The following SRP9 variants were observed in gnomAD, a reference collection of about 807,000 sequenced individuals.
SRP9 encodes signal recognition particle 9 kDa protein.
A neutral mutation model predicts 11.7 loss-of-function variants in SRP9; 2 were observed. The observed-to-expected ratio is 0.17, with a 90% confidence interval of 0.07 to 0.54. The LOEUF (loss-of-function observed/expected upper bound fraction) is 0.54. Ranked by LOEUF, SRP9 falls within the 20% of genes least tolerant of loss-of-function variation. The probability of loss-of-function intolerance (pLI) is 0.94; values close to 1 mark genes in which losing one functional copy is unlikely to be tolerated. For synonymous variants in SRP9, 27 were observed against 35.6 expected, an observed-to-expected ratio of 0.76 and a Z score of 0.86; for missense variants, 54 against 108.1, an observed-to-expected ratio of 0.50 and a Z score of 2.22.
intron 2 of SRP9, among the ~76,000 whole-genome samples, chr1:225,787,550 G>A (rs1665943440): frequency 6.6e-6 from 1 of 151,996 alleles, no homozygotes; most frequent in Non-Finnish European, 1.5e-5. Context: ...AATAAAATAA[G>A]GGAATAAATG....
chr1:225,787,819 T>C (rs748091852), intron 2 of SRP9, among the ~76,000 whole-genome samples: 20 of 152,242 alleles, frequency 1.3e-4, no homozygotes, highest in Admixed American at 3.3e-4. Flanking sequence ...TGAAGATTAA[T>C]ATGGCCTTTT....
intron 2 of SRP9, among the ~76,000 whole-genome samples, chr1:225,784,065 A>G (rs969564105): frequency 1.3e-5 from 2 of 150,982 alleles, no homozygotes; most frequent in South Asian, 2.1e-4. Context: ...TTGTCTTTTC[A>G]TAACAGCTTC....
chr1:225,788,984 A>G, intron 2 of SRP9: 1 of 1,545,646 alleles, frequency 6.5e-7, no homozygotes, highest in African/African-American at 1.4e-5. Flanking sequence ...TTTAACATTT[A>G]ACATTTTTCA....
In SRP9 at chr1:225,789,466, G is replaced by A; in HGVS notation, c.*107G>A. On this transcript the variant is annotated 3_prime_UTR_variant, in exon 3 of 3. Transcript: ENST00000304786. Reference sequence around the variant, plus strand: ...TTTATGTAACTAAGTGGGCTGTTCAGAAGCTTAGAGGTCATTTTTTGTAAT... The same window carrying A: ...TTTATGTAACTAAGTGGGCTGTTCAAAAGCTTAGAGGTCATTTTTTGTAAT... 3.0e-6 allele frequency: 4 copies of A among 1,335,614 alleles called. No homozygotes were observed. In the South Asian group the frequency reaches 6.1e-5, roughly 20 times the overall value. 82.7% of individuals were successfully genotyped at this position (1,335,614 alleles called of 1,614,324 possible). A position where few individuals can be genotyped will look rare whatever the true frequency, so the allele number is the denominator to read the frequency against.
chr1:225,780,939 A>G (rs1665781953), intron 1 of SRP9, among the ~76,000 whole-genome samples: 1 of 152,192 alleles, frequency 6.6e-6, no homozygotes, highest in Non-Finnish European at 1.5e-5. Context: ...TGAATTCTTC[A>G]TCTCCTGCTT....
intron 2 of SRP9, chr1:225,788,929 ATCTAAT>A (rs1358846059): frequency 4.3e-6 from 6 of 1,404,466 alleles, no homozygotes; most frequent in Non-Finnish European, 5.7e-6. Flanking sequence ...GGAAGAAAAT[ATCTAAT>A]TCTAAGTCTT....
chr1:225,789,197 C>G (rs771675451), intron 2 of SRP9, 43 bp from the exon 3 acceptor site: 7 of 1,587,284 alleles, frequency 4.4e-6, no homozygotes, highest in African/African-American at 1.4e-5. Context: ...TTGTCAGTAT[C>G]TAGTTTTATA....
chr1:225,788,831 A>T (rs556847760), intron 2 of SRP9, among the ~76,000 whole-genome samples: 15 of 152,316 alleles, frequency 9.8e-5, no homozygotes, highest in African/African-American at 2.9e-4. Context: ...AGAGATCTTA[A>T]GATTTCTGTG....
chr1:225,787,036 G>A, intron 2 of SRP9: 1 of 323,750 alleles, frequency 3.1e-6, no homozygotes, highest in South Asian at 2.4e-5. Context: ...TCAAGACAGG[G>A]TCTCATTATA....
intron 2 of SRP9, 122 bp from the exon 3 acceptor site, chr1:225,789,118 C>A: frequency 6.4e-7 from 1 of 1,551,526 alleles, no homozygotes; most frequent in South Asian, 1.2e-5. Flanking sequence ...GTACGACCTC[C>A]AAGGAGAATA....
intron 1 of SRP9, among the ~76,000 whole-genome samples, 195 bp downstream of exon 1, chr1:225,778,207 C>A (rs1322131675): frequency 6.6e-6 from 1 of 152,232 alleles, no homozygotes; most frequent in African/African-American, 2.4e-5. Context: ...CTGAAGCTGG[C>A]AACAGCCAGG....
intron 2 of SRP9, chr1:225,786,927 C>T (rs912870688): frequency 2.3e-5 from 18 of 797,076 alleles, no homozygotes; most frequent in East Asian, 1.3e-4. Context: ...ACTGCATCCT[C>T]GACCTCCTGG....
intron 1 of SRP9, 111 bp downstream of exon 1, chr1:225,778,123 A>G (rs1665720248): frequency 6.8e-6 from 8 of 1,171,636 alleles, no homozygotes; most frequent in Non-Finnish European, 9.8e-6. Context: ...GGGAATGAAC[A>G]CAAATGGACC....
At chr1:225,781,879 T>C (rs1665807006) in intron 1 of SRP9, among the ~76,000 whole-genome samples, 1 of 152,216 alleles carries the variant, frequency 6.6e-6, no homozygotes, top group Non-Finnish European at 1.5e-5. Context: ...TCAGGTATTC[T>C]AAAGATAATT....
At position 225,784,229 on chromosome 1, in the gene SRP9, C is replaced by CTTTTTTTTTT. The variant is rs561503475; in HGVS notation, c.141+887_141+896dup. On this transcript the variant is annotated intron_variant, in intron 2 of 2. Coordinates refer to ENST00000304786, the MANE Select transcript of SRP9 (RefSeq NM_003133.6). ...TCTACAGTGGAGTTTATCACCTGTT[C>CTTTTTTTTTT]TTTTTTTTTTTTTTTTTTTTTTTTT... Among the ~76,000 whole-genome samples the CTTTTTTTTTT allele has an allele frequency of 8.4e-4, 29 of 34,458 alleles. 5 individuals are homozygous for CTTTTTTTTTT. The highest frequency in any genetic ancestry group is 1.2e-3 in the South Asian group (1 of 832). 22.6% of individuals were successfully genotyped at this position (34,458 alleles called of 152,430 possible). A position where few individuals can be genotyped will look rare whatever the true frequency, so the allele number is the denominator to read the frequency against.
Position 225,780,680 on chromosome 1 carries a change from A to G in SRP9, c.73-2620A>G, listed in dbSNP as rs111255783. 9.6e-3 allele frequency among the ~76,000 whole-genome samples: 1,465 copies of G among 152,296 alleles called. 24 individuals carry two copies. The highest frequency in any genetic ancestry group is 0.033 in the African/African-American group (1,380 of 41,562). ...ACCCAGATCTTTGAACCCCAAGTCC[A>G]TTCTCTTTCTGCTAGGGCTAAAGAA... On this transcript the variant is annotated intron_variant, in intron 1 of 2. Transcript: ENST00000304786.
chr1:225,784,018 C>A (rs1240663472), intron 2 of SRP9, among the ~76,000 whole-genome samples: 1 of 151,330 alleles, frequency 6.6e-6, no homozygotes, highest in Non-Finnish European at 1.5e-5. Context: ...TTTGATGTGC[C>A]CCATATATAT....
rs1467995186 is a variant in SRP9 at position 225,790,201 on chromosome 1, T to G, written c.*842T>G. 2.0e-5 allele frequency: 3 copies of G among 152,240 alleles called. No individual in the cohort carries two copies. Among genetic ancestry groups the G allele is most frequent in the African/African-American group, 7.2e-5 (3 of 41,456 alleles). 9.4% of individuals were successfully genotyped at this position (152,240 alleles called of 1,614,324 possible). A position where few individuals can be genotyped will look rare whatever the true frequency, so the allele number is the denominator to read the frequency against. On this transcript the variant is annotated 3_prime_UTR_variant, in exon 3 of 3. Transcript: ENST00000304786. ...GTGACACCCCTGCCCATTTTCTGTC[T>G]TTAATTAACCAAGGTGTTAGGTGTG...
chr1:225,783,042 T>A (rs1665829846), intron 1 of SRP9, among the ~76,000 whole-genome samples: 1 of 152,076 alleles, frequency 6.6e-6, no homozygotes, highest in African/African-American at 2.4e-5. Context: ...GTTTTGAGAA[T>A]GTTCAGTACA....
Sources: gnomAD v4.1 joint callset for allele counts (sites outside exome capture counted in the v4.1 genomes callset) on GRCh38, gnomAD v4.1.1 for gene constraint, MANE v1.5 for transcripts, NCBI Gene and HGNC (gene_info 2026-07-23, HGNC 2026-07-21) for gene names.